DSE: variants seen among roughly 807,000 people sequenced by gnomAD.
DSE encodes dermatan sulfate epimerase.
In DSE, 36 loss-of-function variants were observed where a neutral mutation model predicts 84.4. That is an observed-to-expected ratio of 0.43 (90% CI 0.33 to 0.56). The LOEUF is 0.56. Ranked by LOEUF, DSE falls within the 20% of genes least tolerant of loss-of-function variation. The pLI is 0.06. For synonymous variants in DSE, 410 were observed against 430.1 expected (o/e 0.95, Z 0.58); for missense variants, 862 against 1,169.6 (o/e 0.74, Z 3.84).
At chr6:116,258,736 C>A in exon 2 of DSE, 2 of 1,608,554 alleles carry the variant, frequency 1.2e-6, no homozygotes. Flanking sequence ...GCACCCAATG[C>A]GTGTGGAGTC....
At chr6:116,356,420 G>A (rs1378114016) in intron 2 of DSE, among the ~76,000 whole-genome samples, 1 of 152,140 alleles carries the variant, frequency 6.6e-6, no homozygotes, top group East Asian at 1.9e-4. Context: ...AAACCATAAT[G>A]TTTTGGACAT....
At chr6:116,290,786 C>G (rs1002256617) in intron 2 of DSE, among the ~76,000 whole-genome samples, 2 of 152,104 alleles carry the variant, frequency 1.3e-5, no homozygotes, top group African/African-American at 4.8e-5. Flanking sequence ...TTCCCTAATT[C>G]CAAAAGCAGA....
intron 1 of DSE, 58 bp from the exon 2 acceptor site, chr6:116,399,140 C>T (rs1364633790): frequency 1.3e-5 from 19 of 1,419,344 alleles, no homozygotes; most frequent in East Asian, 6.9e-5. Context: ...TATGTTTCCA[C>T]ACCTGTGCCA....
At chr6:116,282,191 T>C (rs1467692311) in intron 2 of DSE, among the ~76,000 whole-genome samples, 2 of 152,220 alleles carry the variant, frequency 1.3e-5, no homozygotes, top group African/African-American at 2.4e-5. Context: ...CTACAAGTGA[T>C]GGAGCCTGTG....
At chr6:116,362,829 T>C (rs764784196) in intron 2 of DSE, among the ~76,000 whole-genome samples, 14 of 152,200 alleles carry the variant, frequency 9.2e-5, no homozygotes, top group Non-Finnish European at 1.9e-4. Flanking sequence ...TTTCCCAAAG[T>C]TTCCTGGGTG....
chr6:116,374,688 T>C (rs1779814372), intron 1 of DSE, among the ~76,000 whole-genome samples: 1 of 152,154 alleles, frequency 6.6e-6, no homozygotes, highest in African/African-American at 2.4e-5. Flanking sequence ...TCTACAGAGC[T>C]CCGAGGTGAT....
In DSE at chr6:116,433,435, C is replaced by T. The variant is rs755108093; in HGVS notation, c.1003C>T (p.Arg335Cys). The change falls in exon 5 of 6, where the codon CGT becomes TGT. Residue 335 changes from arginine to cysteine, a missense_variant. Arg to Cys is a radical substitution (Grantham distance 180). Transcript: ENST00000644252. The part of the protein sequence containing the change: ...QLVFLDKFVM[R>C]NGSGNWLADQ... Reference sequence around the variant, plus strand: ...AGTGTTCCTTGATAAATTTGTCATGCGTAATGGCAGTGGTAACTGGCTAGC... The same window carrying T: ...AGTGTTCCTTGATAAATTTGTCATGTGTAATGGCAGTGGTAACTGGCTAGC... 1.3e-6 allele frequency: 2 copies of T among 1,551,968 alleles called. No individual in the cohort carries two copies. The highest frequency in any genetic ancestry group is 1.7e-6 in the Non-Finnish European group (2 of 1,147,184).
At chr6:116,284,150 A>G (rs1287743218) in intron 2 of DSE, among the ~76,000 whole-genome samples, 1 of 152,232 alleles carries the variant, frequency 6.6e-6, no homozygotes, top group African/African-American at 2.4e-5. Context: ...TCAAGGAATC[A>G]TAGATTCTTT....
intron 2 of DSE, among the ~76,000 whole-genome samples, chr6:116,325,789 C>T (rs945230772): frequency 1.3e-5 from 2 of 152,128 alleles, no homozygotes; most frequent in African/African-American, 2.4e-5. Flanking sequence ...TCCTCAGACA[C>T]CAAGTTAAAG....
intron 2 of DSE, among the ~76,000 whole-genome samples, chr6:116,407,048 A>G (rs1781976424): frequency 6.6e-6 from 1 of 152,204 alleles, no homozygotes; most frequent in African/African-American, 2.4e-5. Context: ...CTGAAAATCT[A>G]CACAGAGATT....
chr6:116,336,585 G>T (rs181713497), intron 2 of DSE, among the ~76,000 whole-genome samples: 146 of 152,106 alleles, frequency 9.6e-4, no homozygotes, highest in African/African-American at 3.4e-3. Flanking sequence ...CAGAAAACCC[G>T]TCTCTACTGA....
chr6:116,428,092 G>A (rs376721556), intron 3 of DSE, among the ~76,000 whole-genome samples: 2 of 152,202 alleles, frequency 1.3e-5, no homozygotes, highest in East Asian at 3.8e-4. Context: ...AGGAGGCTGA[G>A]GCAGGAGAAT....
chr6:116,403,318 G>A (rs1781715720), intron 2 of DSE, among the ~76,000 whole-genome samples: 1 of 150,592 alleles, frequency 6.6e-6, no homozygotes, highest in Non-Finnish European at 1.5e-5. Context: ...AAATTAAAAA[G>A]GTATTATTTT....
At chr6:116,409,334 T>C (rs954382012) in intron 2 of DSE, among the ~76,000 whole-genome samples, 29 of 152,202 alleles carry the variant, frequency 1.9e-4, no homozygotes, top group African/African-American at 6.5e-4. Context: ...TGGAGTGCAG[T>C]GGTGTGATCT....
chr6:116,317,583 C>T (rs181117493), intron 2 of DSE, among the ~76,000 whole-genome samples: 3 of 152,118 alleles, frequency 2.0e-5, no homozygotes, highest in Non-Finnish European at 4.4e-5. Context: ...AAATCTTCTA[C>T]GAAAAGTTTA....
intron 2 of DSE, among the ~76,000 whole-genome samples, chr6:116,424,479 T>C (rs1445247283): frequency 6.6e-6 from 1 of 152,232 alleles, no homozygotes; most frequent in Admixed American, 6.5e-5. Flanking sequence ...TCTCTCCAAA[T>C]TCCTGATTCC....
intron 1 of DSE, among the ~76,000 whole-genome samples, chr6:116,388,587 T>C (rs1037557470): frequency 3.9e-5 from 6 of 152,232 alleles, no homozygotes; most frequent in Non-Finnish European, 8.8e-5. Flanking sequence ...AGGAGTTACA[T>C]TGCCAGTTGA....
intron 2 of DSE, among the ~76,000 whole-genome samples, chr6:116,301,214 C>T (rs1775019385): frequency 6.6e-6 from 1 of 152,024 alleles, no homozygotes; most frequent in Non-Finnish European, 1.5e-5. Flanking sequence ...CAAACATAGG[C>T]ATTCATGCAC....
At chr6:116,301,737 C>G (rs959758578) in intron 2 of DSE, among the ~76,000 whole-genome samples, 1 of 152,138 alleles carries the variant, frequency 6.6e-6, no homozygotes, top group Non-Finnish European at 1.5e-5. Context: ...CTACACCCAT[C>G]AACCCGTCAT....
Sources: gnomAD v4.1 joint callset for allele counts (sites outside exome capture counted in the v4.1 genomes callset) on GRCh38, gnomAD v4.1.1 for gene constraint, MANE v1.5 for transcripts, NCBI Gene and HGNC (gene_info 2026-07-23, HGNC 2026-07-21) for gene names.